The following CTNNA2 variants were observed in gnomAD, a reference collection of about 807,000 sequenced individuals.
CTNNA2 encodes catenin alpha 2.
A neutral mutation model predicts 101.0 loss-of-function variants in CTNNA2; 42 were observed. The observed-to-expected ratio is 0.42, with a 90% CI of 0.32 to 0.54. CTNNA2 has a LOEUF of 0.54. Among genes scored for constraint, CTNNA2 ranks in the 20% least tolerant of loss-of-function variants. The probability of loss-of-function intolerance (pLI) is 0.14; values close to 1 mark genes in which losing one functional copy is unlikely to be tolerated. For synonymous variants in CTNNA2, 450 were observed against 456.4 expected (o/e 0.99, Z 0.18); for missense variants, 871 against 1,223.1 (o/e 0.71, Z 4.29).
At chr2:80,018,917 G>T (rs1179209055) in intron 7 of CTNNA2, among the ~76,000 whole-genome samples, 2 of 151,986 alleles carry the variant, frequency 1.3e-5, no homozygotes, top group Non-Finnish European at 2.9e-5. Context: ...TTATCTGTGG[G>T]TTTCACATCA....
chr2:80,072,847 AGGAAAACGAGG>A (rs1174746475), intron 7 of CTNNA2, among the ~76,000 whole-genome samples: 1 of 152,220 alleles, frequency 6.6e-6, no homozygotes, highest in African/African-American at 2.4e-5. Flanking sequence ...ACTTCCAAGC[AGGAAAACGAGG>A]GGAAAACGAG....
chr2:79,736,147 C>G (rs1340568050), intron 2 of CTNNA2, among the ~76,000 whole-genome samples: 1 of 152,134 alleles, frequency 6.6e-6, no homozygotes, highest in African/African-American at 2.4e-5. Flanking sequence ...CCCTTTGCGT[C>G]AGAATTTGTA....
At chr2:80,460,769 T>C (rs939543937) in intron 9 of CTNNA2, among the ~76,000 whole-genome samples, 1 of 152,216 alleles carries the variant, frequency 6.6e-6, no homozygotes. Context: ...ATTCCCATTC[T>C]AGATAAATGG....
rs369477422 is a variant in CTNNA2 at position 79,997,361 on chromosome 2, GAAAA to G, written c.1056+87567_1056+87570del. 3.1e-3 allele frequency among the ~76,000 whole-genome samples: 458 copies of G among 148,824 alleles called. 6 individuals are homozygous for G. Among genetic ancestry groups the G allele is most frequent in the South Asian group, 0.027 (124 of 4,656 alleles). ...GGAAGGAAAAGAAAAGGAAGGAAAA[GAAAA>G]AAGAAAAGAAGAAAAAGAAAAAGAA... On this transcript the variant is annotated intron_variant, in intron 7 of 18. Coordinates refer to ENST00000402739, the MANE Select transcript of CTNNA2 (RefSeq NM_001282597.3).
At position 80,395,575 on chromosome 2, in the gene CTNNA2, A is replaced by C. The variant is rs537735710; in HGVS notation, c.1137+2284A>C. ...TAGCACTTGGGCAGATGGAACATGC[A>C]ATGACTAATTTGTTTGGCCCAGGTA... On this transcript the variant is annotated intron_variant, in intron 8 of 18. Transcript: ENST00000402739. 2.0e-5 allele frequency among the ~76,000 whole-genome samples: 3 copies of C among 152,320 alleles called. No individual in the cohort carries two copies. In the East Asian group the frequency reaches 5.8e-4, roughly 29 times the overall value.
At chr2:79,692,097 T>C (rs1573696420) in intron 2 of CTNNA2, among the ~76,000 whole-genome samples, 1 of 152,046 alleles carries the variant, frequency 6.6e-6, no homozygotes, top group South Asian at 2.1e-4. Context: ...ACCTACAGAA[T>C]GGGAGAAAAT....
At chr2:79,534,317 C>T (rs750087381) in intron 1 of CTNNA2, among the ~76,000 whole-genome samples, 23 of 151,978 alleles carry the variant, frequency 1.5e-4, no homozygotes, top group Non-Finnish European at 3.2e-4. Flanking sequence ...CCGTTGGGCG[C>T]ATTACTTTCT....
chr2:79,677,398 T>C (rs573116305), intron 2 of CTNNA2, among the ~76,000 whole-genome samples: 1 of 152,212 alleles, frequency 6.6e-6, no homozygotes, highest in African/African-American at 2.4e-5. Flanking sequence ...TTCTTCCCTC[T>C]ATTTTCTGCT....
At chr2:79,197,198 C>T (rs1288644781) in intron 1 of CTNNA2, among the ~76,000 whole-genome samples, 1 of 152,176 alleles carries the variant, frequency 6.6e-6, no homozygotes, top group Non-Finnish European at 1.5e-5. Context: ...TTAGAACAAA[C>T]AGAGACTATT....
chr2:79,259,285 C>T (rs1157397056), intron 2 of CTNNA2, among the ~76,000 whole-genome samples: 1 of 152,162 alleles, frequency 6.6e-6, no homozygotes. Flanking sequence ...CTTTACTTCT[C>T]CACCCCCTCC....
Position 80,647,955 on chromosome 2 carries a change from G to C in CTNNA2, c.*83G>C. On this transcript the variant is annotated 3_prime_UTR_variant, in exon 19 of 19. Transcript: ENST00000402739. ...TAATTCCATTTTTGTATGCATACCT[G>C]CCAGCTCGTATGCCTCTGGCATGGG... 1 of 1,342,318 alleles carries C rather than the reference G, an allele frequency of 7.4e-7. No individual in the cohort carries two copies. Among genetic ancestry groups the C allele is most frequent in the South Asian group, 1.5e-5 (1 of 67,668 alleles). 83.2% of individuals were successfully genotyped at this position (1,342,318 alleles called of 1,614,324 possible). A position where few individuals can be genotyped will look rare whatever the true frequency, so the allele number is the denominator to read the frequency against.
intron 7 of CTNNA2, among the ~76,000 whole-genome samples, chr2:80,093,637 C>G (rs1699938458): frequency 6.6e-6 from 1 of 151,886 alleles, no homozygotes; most frequent in Non-Finnish European, 1.5e-5. Context: ...TAAAAGTGTT[C>G]CTATTTCTCC....
intron 9 of CTNNA2, among the ~76,000 whole-genome samples, chr2:80,543,977 GC>G (rs2149626805): frequency 6.6e-6 from 1 of 152,144 alleles, no homozygotes; most frequent in African/African-American, 2.4e-5. Flanking sequence ...CTTGATACCA[GC>G]CTGATGGGAC....
chr2:80,134,235 T>C (rs941778504), intron 7 of CTNNA2, among the ~76,000 whole-genome samples: 11 of 152,070 alleles, frequency 7.2e-5, no homozygotes, highest in African/African-American at 2.4e-4. Context: ...TAGAGTAGGA[T>C]AGTGTCTGAG....
intron 2 of CTNNA2, among the ~76,000 whole-genome samples, chr2:79,202,699 T>G (rs1389296625): frequency 6.6e-6 from 1 of 151,974 alleles, no homozygotes; most frequent in Non-Finnish European, 1.5e-5. Context: ...TTCCATACAT[T>G]TTGGGGGTGG....
chr2:79,982,241 TGTATGTATATGTACAC>T (rs1558697552), intron 7 of CTNNA2, among the ~76,000 whole-genome samples: 1 of 76,318 alleles, frequency 1.3e-5, no homozygotes, highest in Non-Finnish European at 2.4e-5. Context: ...TATATATATA[TGTATGTATATGTACAC>T]ACACACATAA....
chr2:79,925,777 A>C (rs2104398404), intron 7 of CTNNA2, among the ~76,000 whole-genome samples: 1 of 152,188 alleles, frequency 6.6e-6, no homozygotes, highest in East Asian at 1.9e-4. Context: ...ATTGAATTCA[A>C]TATTTGGTTT....
At chr2:79,225,688 T>G (rs961666354) in intron 2 of CTNNA2, among the ~76,000 whole-genome samples, 2 of 152,106 alleles carry the variant, frequency 1.3e-5, no homozygotes, top group African/African-American at 4.8e-5. Context: ...TGAGTAATAT[T>G]TGAGTTATAG....
At chr2:79,527,744 A>G (rs1188732148) in intron 1 of CTNNA2, among the ~76,000 whole-genome samples, 1 of 152,282 alleles carries the variant, frequency 6.6e-6, no homozygotes, top group South Asian at 2.1e-4. Context: ...CTAATTTGGA[A>G]AACAGTTTGG....
Sources: gnomAD v4.1 joint callset for allele counts (sites outside exome capture counted in the v4.1 genomes callset) on GRCh38, gnomAD v4.1.1 for gene constraint, MANE v1.5 for transcripts, NCBI Gene and HGNC (gene_info 2026-07-23, HGNC 2026-07-21) for gene names.